The following C16orf74 variants were observed in gnomAD, a reference collection of about 807,000 sequenced individuals.
C16orf74 encodes uncharacterized protein C16orf74.
Under a neutral mutation model 6.5 loss-of-function variants are expected in C16orf74, and 10 were observed. The observed-to-expected ratio is 1.54, with a 90% CI of 0.95 to 2.61. The LOEUF is 2.61. Ranked by LOEUF, C16orf74 falls within the 30% of genes most tolerant of loss-of-function variation. The pLI, the probability that C16orf74 is intolerant of heterozygous loss-of-function variation, is 0.00. For synonymous variants in C16orf74, 60 were observed against 42.5 expected, an observed-to-expected ratio of 1.41 and a Z score of -1.60; for missense variants, 141 against 105.9, an observed-to-expected ratio of 1.33 and a Z score of -1.45.
chr16:85,710,001 G>T (rs1446203337), intron 3 of C16orf74, among the ~76,000 whole-genome samples, 163 bp downstream of exon 3: 1 of 152,254 alleles, frequency 6.6e-6, no homozygotes, highest in Non-Finnish European at 1.5e-5. Context: ...GTGGCAGGGG[G>T]CTCACGGTGC....
intron 2 of C16orf74, among the ~76,000 whole-genome samples, chr16:85,723,070 C>A (rs556967206): frequency 6.6e-6 from 1 of 151,946 alleles, no homozygotes; most frequent in Non-Finnish European, 1.5e-5. Flanking sequence ...ACCAGCCTGG[C>A]AAACATGATG....
At chr16:85,714,897 C>G (rs1406186405) in intron 2 of C16orf74, among the ~76,000 whole-genome samples, 1 of 151,428 alleles carries the variant, frequency 6.6e-6, no homozygotes, top group Non-Finnish European at 1.5e-5. Flanking sequence ...TGGCTCACGC[C>G]TGTAATCCCA....
intron 2 of C16orf74, among the ~76,000 whole-genome samples, chr16:85,726,263 C>T (rs1228731419): frequency 3.9e-5 from 6 of 152,230 alleles, no homozygotes; most frequent in African/African-American, 1.4e-4. Context: ...GACAGGAGCT[C>T]TGTGCTGCTC....
At chr16:85,742,575 C>G (rs1288487494) in intron 1 of C16orf74, among the ~76,000 whole-genome samples, 1 of 152,018 alleles carries the variant, frequency 6.6e-6, no homozygotes, top group East Asian at 1.9e-4. Flanking sequence ...CACTTTCACT[C>G]TTTTTGCCCA....
chr16:85,741,195 C>T (rs761104161), intron 1 of C16orf74, among the ~76,000 whole-genome samples: 1 of 152,184 alleles, frequency 6.6e-6, no homozygotes, highest in South Asian at 2.1e-4. Flanking sequence ...CGTCAGATCG[C>T]GTTTTCCTGC....
intron 1 of C16orf74, among the ~76,000 whole-genome samples, chr16:85,747,096 C>G (rs575526588): frequency 6.6e-6 from 1 of 152,272 alleles, no homozygotes; most frequent in African/African-American, 2.4e-5. Flanking sequence ...GCTTGGCCTC[C>G]CACGGATGAG....
At chr16:85,748,979 C>T (rs905808573) in intron 1 of C16orf74, among the ~76,000 whole-genome samples, 1 of 145,004 alleles carries the variant, frequency 6.9e-6, no homozygotes, top group Non-Finnish European at 1.5e-5. Flanking sequence ...AGGAGTCTCA[C>T]TATGTTGCTC....
intron 2 of C16orf74, among the ~76,000 whole-genome samples, chr16:85,712,453 G>T (rs888280895): frequency 6.6e-6 from 1 of 152,204 alleles, no homozygotes; most frequent in Admixed American, 6.5e-5. Context: ...TCTCATACCC[G>T]GCTGTGGGGA....
chr16:85,737,955 T>C (rs1194417959), intron 1 of C16orf74, among the ~76,000 whole-genome samples: 1 of 136,516 alleles, frequency 7.3e-6, no homozygotes, highest in Non-Finnish European at 1.5e-5. Flanking sequence ...ATGAATTTTT[T>C]TTGTGATTTT....
rs183152799 is a variant in C16orf74, at chr16:85,723,238, C to T, written c.28+11952G>A. On this transcript the variant is annotated intron_variant, in intron 2 of 3. Transcript: ENST00000284245. ...TCGCACCACTGTACTCCAGCCTGGG[C>T]AACAGAGCAAGACTCCATCTCAAAA... is the stretch of plus-strand genomic sequence containing the variant. Among the ~76,000 whole-genome samples the T allele has an allele frequency of 2.7e-3, 333 of 121,614 alleles. 1 individual carries two copies. Among genetic ancestry groups the T allele is most frequent in the African/African-American group, 0.01 (314 of 31,272 alleles). The allele number at this position is 121,614 out of a possible 152,430, so 79.8% of individuals were successfully genotyped here.
At chr16:85,749,563 G>A (rs2054412895) in intron 1 of C16orf74, among the ~76,000 whole-genome samples, 1 of 152,252 alleles carries the variant, frequency 6.6e-6, no homozygotes, top group Non-Finnish European at 1.5e-5. Context: ...AGCCACAGGC[G>A]TGAGCCACTG....
chr16:85,732,440 A>T (rs380482), intron 2 of C16orf74, among the ~76,000 whole-genome samples: 5 of 151,608 alleles, frequency 3.3e-5, no homozygotes, highest in East Asian at 3.9e-4. Context: ...CTGAGGCAGG[A>T]GGATCACTTG....
chr16:85,740,842 A>AAAAG, intron 1 of C16orf74, among the ~76,000 whole-genome samples: 1 of 151,344 alleles, frequency 6.6e-6, no homozygotes, highest in Admixed American at 6.6e-5. Flanking sequence ...AAAAAAAAAA[A>AAAAG]AAAAGAAAGA....
intron 1 of C16orf74, among the ~76,000 whole-genome samples, chr16:85,739,027 G>C (rs963729665): frequency 2.6e-5 from 4 of 152,188 alleles, no homozygotes; most frequent in Admixed American, 2.6e-4. Flanking sequence ...GGAAGTCTTG[G>C]AGTCCCCAGG....
At chr16:85,729,900 A>C (rs2054170484) in intron 2 of C16orf74, among the ~76,000 whole-genome samples, 2 of 152,138 alleles carry the variant, frequency 1.3e-5, no homozygotes, top group African/African-American at 4.8e-5. Flanking sequence ...TGAGAGAATA[A>C]AAATTGCTGT....
At chr16:85,713,288 T>C (rs1341281256) in intron 2 of C16orf74, among the ~76,000 whole-genome samples, 2 of 152,164 alleles carry the variant, frequency 1.3e-5, no homozygotes, top group Non-Finnish European at 2.9e-5. Flanking sequence ...CTGCTTTTTT[T>C]TTGAGACGGA....
chr16:85,726,896 C>T (rs552844564), intron 2 of C16orf74, among the ~76,000 whole-genome samples: 22 of 152,296 alleles, frequency 1.4e-4, no homozygotes, highest in Admixed American at 2.6e-4. Context: ...TTTCTGCTAC[C>T]GGAAACAGCC....
intron 1 of C16orf74, among the ~76,000 whole-genome samples, chr16:85,745,924 C>G (rs1390532187): frequency 1.3e-5 from 2 of 152,222 alleles, no homozygotes; most frequent in East Asian, 3.8e-4. Context: ...TGAGATAAAC[C>G]CATCCTGGAG....
intron 2 of C16orf74, chr16:85,710,655 GC>G (rs2053960677): frequency 4.1e-6 from 1 of 243,674 alleles, no homozygotes; most frequent in East Asian, 1.1e-4. Context: ...CAGCGCTCCA[GC>G]CTCCACTCTC....
Sources: gnomAD v4.1 joint callset for allele counts (sites outside exome capture counted in the v4.1 genomes callset) on GRCh38, gnomAD v4.1.1 for gene constraint, MANE v1.5 for transcripts, NCBI Gene and HGNC (gene_info 2026-07-23, HGNC 2026-07-21) for gene names.